The following ADAD2 variants were observed in gnomAD, a reference collection of about 807,000 sequenced individuals.
ADAD2 encodes the protein adenosine deaminase domain-containing protein 2.
A neutral mutation model predicts 54.5 loss-of-function variants in ADAD2; 60 were observed. That is an observed-to-expected ratio of 1.10 (90% CI 0.89 to 1.36). The LOEUF is 1.36. ADAD2 is among the 40% of genes most tolerant of loss of function. The probability of loss-of-function intolerance (pLI) is 0.00; values close to 1 mark genes in which losing one functional copy is unlikely to be tolerated. For synonymous variants in ADAD2, 543 were observed against 366.2 expected, an observed-to-expected ratio of 1.48 and a Z score of -5.51; for missense variants, 1,103 against 801.3, an observed-to-expected ratio of 1.38 and a Z score of -4.54.
Position 84,196,094 on chromosome 16 carries a change from C to T in ADAD2, c.1283-33C>T, listed in dbSNP as rs183104579. On this transcript the variant is annotated intron_variant, in intron 7 of 9. Transcript: ENST00000315906. ...GGGTGAGAAGGGAGGGCAGGGAGGT[C>T]ACTCACCTTGTCCTGTCCCTTCTGC... 9.0e-5 allele frequency: 144 copies of T among 1,599,838 alleles called. 1 individual carries two copies. The African/African-American group carries it at 1.5e-3, about 16-fold the overall frequency.
chr16:84,196,994 G>C lies in ADAD2; in HGVS notation c.*20G>C. The C allele has an allele frequency of 2.6e-6, 4 of 1,568,314 alleles. No homozygotes were observed. The highest frequency in any genetic ancestry group is 3.5e-6 in the Non-Finnish European group (4 of 1,157,214). The stretch of plus-strand genomic sequence containing the variant: ...AACTGAAGCCAGCCTCGGCGGGACC[G>C]AGGTCCCGGAGCCAAGCTGTACCCC... On this transcript the variant is annotated 3_prime_UTR_variant, in exon 10 of 10. Transcript: ENST00000315906.
intron 1 of ADAD2, chr16:84,193,959 C>T (rs762450816): frequency 1.3e-5 from 19 of 1,495,570 alleles, no homozygotes; most frequent in Middle Eastern, 1.8e-4. Context: ...GATTTTTCAT[C>T]TCTCTTTTGT....
In ADAD2 at chr16:84,196,864, C is replaced by T. The variant is rs770021780; in HGVS notation, c.1648-6C>T. ...CTCTCACCCCACCTCTCATCTCCCG[C>T]CCTAGGCTGGGCCCTACCAGGAGGC... On this transcript the variant is annotated splice_polypyrimidine_tract_variant and splice_region_variant and intron_variant, in intron 9 of 9. Transcript: ENST00000315906. 4.2e-5 allele frequency: 67 copies of T among 1,592,764 alleles called. 1 individual carries two copies. The highest frequency in any genetic ancestry group is 5.7e-5 in the Non-Finnish European group (67 of 1,168,838).
rs559270626 is a variant in ADAD2, at chr16:84,194,306, G to A, written c.419-136G>A. On this transcript the variant is annotated intron_variant, in intron 1 of 9. Transcript: ENST00000315906. ...GCGGCATGGGGTGGCGATGGAGCCT[G>A]CTGGAGGAAGGGAAGGGTGGTGAGG... 168 of 1,546,812 alleles carry A rather than the reference G, an allele frequency of 1.1e-4. 4 individuals carry two copies. The South Asian group carries it at 1.8e-3, about 17-fold the overall frequency.
rs760587710 is a variant in ADAD2, at chr16:84,196,111, C to T, written c.1283-16C>T. 5 of 1,600,698 alleles carry T rather than the reference C, an allele frequency of 3.1e-6. No homozygotes were observed. The highest frequency in any genetic ancestry group is 1.1e-5 in the South Asian group (1 of 91,082). On this transcript the variant is annotated splice_polypyrimidine_tract_variant and intron_variant, in intron 7 of 9. Coordinates refer to ENST00000315906, the MANE Select transcript of ADAD2 (RefSeq NM_001145400.2). ...AGGGAGGTCACTCACCTTGTCCTGT[C>T]CCTTCTGCCCTGCAGCTGACTCATG... is the stretch of plus-strand genomic sequence containing the variant.
At position 84,191,617 on chromosome 16, in the gene ADAD2, C is replaced by T; in HGVS notation, c.387C>T (p.Ile129=). ...CGGAGTACGCGGCCAGCCTGGGCAT[C>T]TTCCTGCTCTTCCGGGAGGACCAGC... ...LLTEYAASLG[I]FLLFREDQPP... is the part of the protein sequence containing the mutation. The change falls in exon 1 of 10, where the codon ATC becomes ATT. Residue 129 remains isoleucine (I), a synonymous_variant. Coordinates refer to ENST00000315906, the MANE Select transcript of ADAD2 (RefSeq NM_001145400.2). The T allele has an allele frequency of 6.4e-7, 1 of 1,554,636 alleles. No homozygotes were observed. Among genetic ancestry groups the T allele is most frequent in the Non-Finnish European group, 8.7e-7 (1 of 1,149,394 alleles).
chr16:84,196,782 C>T lies in ADAD2; in HGVS notation c.1647+15C>T, dbSNP rs779489004. ...AGGCTGCCAAGGTTGGTTCCCCACC[C>T]TCCCCCCGTCCCGGTCCCTCTCCAG... On this transcript the variant is annotated intron_variant, in intron 9 of 9. Transcript: ENST00000315906. 6.2e-6 allele frequency: 10 copies of T among 1,603,640 alleles called. No individual in the cohort carries two copies. Among genetic ancestry groups the T allele is most frequent in the Non-Finnish European group, 8.5e-6 (10 of 1,173,038 alleles).
rs774185081 is a variant in ADAD2 at position 84,196,880 on chromosome 16, A to G, written c.1658A>G (p.Tyr553Cys). Residue 553 changes from tyrosine to cysteine, a missense_variant, in exon 10 of 10, where the codon TAC becomes TGC. Transcript: ENST00000315906. ...CATCTCCCGCCCTAGGCTGGGCCCT[A>G]CCAGGAGGCTCGCAGGCAGCTGTCT... ...KTYEAAKAGP[Y>C]QEARRQLSLL... 1.8e-5 allele frequency: 28 copies of G among 1,593,424 alleles called. No homozygotes were observed. The East Asian group carries it at 5.4e-4, about 31-fold the overall frequency.
Position 84,196,988 on chromosome 16 carries a change from G to A in ADAD2, c.*14G>A, listed in dbSNP as rs755169360. On this transcript the variant is annotated 3_prime_UTR_variant, in exon 10 of 10. Coordinates refer to ENST00000315906, the MANE Select transcript of ADAD2 (RefSeq NM_001145400.2). ...TTCAGAAACTGAAGCCAGCCTCGGC[G>A]GGACCGAGGTCCCGGAGCCAAGCTG... is the stretch of plus-strand genomic sequence containing the variant. 7.0e-6 allele frequency: 11 copies of A among 1,577,840 alleles called. No homozygotes were observed. The highest frequency in any genetic ancestry group is 2.3e-5 in the East Asian group (1 of 43,378).
chr16:84,196,088 G>A, intron 7 of ADAD2, 39 bp from the exon 8 acceptor site: 2 of 1,599,732 alleles, frequency 1.3e-6, no homozygotes, highest in African/African-American at 1.3e-5. Flanking sequence ...GGGAGGGCAG[G>A]GAGGTCACTC....
intron 6 of ADAD2, 23 bp from the exon 7 acceptor site, chr16:84,195,792 G>T: frequency 1.3e-6 from 2 of 1,576,470 alleles, no homozygotes; most frequent in Non-Finnish European, 8.6e-7. Context: ...TGAAGCTGAT[G>T]TCTGTCCCCA....
rs1170874959 is a variant in ADAD2, at chr16:84,191,495, G to C, written c.265G>C (p.Glu89Gln). The stretch of plus-strand genomic sequence containing the variant: ...AGCCCGGGCGTGGGAAAACTTGGGG[G>C]AACAGATGGGGAAGGCCCCGAGGGT... ...GAARAWENLGEQMGKAPRVPV... is the reference protein window; with the variant it reads ...GAARAWENLGQQMGKAPRVPV... The change falls in exon 1 of 10, where the codon GAA (glutamate) becomes CAA (glutamine). Residue 89 changes from glutamate (E) to glutamine (Q), a missense_variant. Physicochemically the swap from Glu to Gln is conservative, Grantham distance 29. Coordinates refer to ENST00000315906, the MANE Select transcript of ADAD2 (RefSeq NM_001145400.2). The C allele has an allele frequency of 3.9e-6, 6 of 1,541,414 alleles. No individual in the cohort carries two copies. Among genetic ancestry groups the C allele is most frequent in the African/African-American group, 2.7e-5 (2 of 72,992 alleles).
In ADAD2 at chr16:84,194,377, C is replaced by A. The variant is rs763929255; in HGVS notation, c.419-65C>A. 2.6e-5 allele frequency: 40 copies of A among 1,568,252 alleles called. No homozygotes were observed. In the African/African-American group the frequency reaches 5.1e-4, roughly 20 times the overall value. On this transcript the variant is annotated intron_variant, in intron 1 of 9. Transcript: ENST00000315906. ...CTCGATATCAGGTGTCAGGAGGAGG[C>A]AGAGGTGGTACCTGTCACAGGGCGA... is the stretch of plus-strand genomic sequence containing the variant.
chr16:84,195,096 G>C lies in ADAD2; in HGVS notation c.635G>C (p.Cys212Ser). 6.2e-7 allele frequency: 1 copy of C among 1,613,764 alleles called. No homozygotes were observed. The highest frequency in any genetic ancestry group is 8.5e-7 in the Non-Finnish European group (1 of 1,179,994). Residue 212 changes from cysteine to serine, a missense_variant, in exon 4 of 10, where the codon TGC (cysteine) becomes TCC (serine). Cys to Ser is a moderately radical substitution (Grantham distance 112). Transcript: ENST00000315906. Reference protein sequence around the residue: ...VENILTHEQRCAALVSAGFDL... With the variant: ...VENILTHEQRSAALVSAGFDL... ...AACATCCTGACCCATGAGCAGCGCTGCGCAGCGTTGGTGAGCGCCGGCTTT... is the reference window on the plus strand; with the variant it reads ...AACATCCTGACCCATGAGCAGCGCTCCGCAGCGTTGGTGAGCGCCGGCTTT...
rs2303242 is a variant in ADAD2 at position 84,196,770 on chromosome 16, T to C, written c.1647+3T>C. ...TGAAGACCTACGAGGCTGCCAAGGTTGGTTCCCCACCCTCCCCCCGTCCCG... is the reference window on the plus strand; with the variant it reads ...TGAAGACCTACGAGGCTGCCAAGGTCGGTTCCCCACCCTCCCCCCGTCCCG... On this transcript the variant is annotated splice_donor_region_variant and intron_variant, in intron 9 of 9. Coordinates refer to ENST00000315906, the MANE Select transcript of ADAD2 (RefSeq NM_001145400.2). The C allele has an allele frequency of 0.46, 746,408 of 1,607,632 alleles. 181,188 individuals are homozygous for C. Among genetic ancestry groups the C allele is most frequent in the African/African-American group, 0.87 (65,055 of 74,820 alleles).
chr16:84,195,925 A>G lies in ADAD2; in HGVS notation c.1163A>G (p.Asp388Gly), dbSNP rs751542960. ...PVCYVAPSLC[D>G]THVGCLSASD... ...TGCTACGTGGCGCCCTCGCTCTGTGACACCCACGTGGGCTGCCTGTCAGCC... is the reference window on the plus strand; with the variant it reads ...TGCTACGTGGCGCCCTCGCTCTGTGGCACCCACGTGGGCTGCCTGTCAGCC... The change falls in exon 7 of 10, where the codon GAC becomes GGC. Residue 388 changes from aspartate to glycine, a missense_variant. Asp to Gly is a moderately conservative substitution (Grantham distance 94). Coordinates refer to ENST00000315906, the MANE Select transcript of ADAD2 (RefSeq NM_001145400.2). 6.3e-7 allele frequency: 1 copy of G among 1,599,788 alleles called. No homozygotes were observed. The highest frequency in any genetic ancestry group is 8.5e-7 in the Non-Finnish European group (1 of 1,179,564).
chr16:84,191,693 G>T, intron 1 of ADAD2, 45 bp downstream of exon 1: 3 of 1,544,654 alleles, frequency 1.9e-6, no homozygotes. Context: ...GCAGAGCCAC[G>T]GAGGGCTGGG....
In ADAD2 at chr16:84,191,515, G is replaced by C. The variant is rs577200150; in HGVS notation, c.285G>C (p.Pro95=). Residue 95 remains proline, a synonymous_variant, in exon 1 of 10, where the codon CCG becomes CCC. Coordinates refer to ENST00000315906, the MANE Select transcript of ADAD2 (RefSeq NM_001145400.2). The stretch of plus-strand genomic sequence containing the variant: ...TGGGGGAACAGATGGGGAAGGCCCC[G>C]AGGGTCCCTGTGCCCCCAGCAGGGC... ...ENLGEQMGKA[P]RVPVPPAGLS... The C allele has an allele frequency of 3.9e-6, 6 of 1,545,038 alleles. No individual in the cohort carries two copies. The South Asian group carries it at 4.8e-5, about 12-fold the overall frequency.
In ADAD2 at chr16:84,196,393, G is replaced by A. The variant is rs527426660; in HGVS notation, c.1526+23G>A. ...CAAGTGAGAAGGGCCCCCTGGGGCC[G>A]GGCTGTGGAGCAGTGCTGGTGATGG... On this transcript the variant is annotated intron_variant, in intron 8 of 9. Coordinates refer to ENST00000315906, the MANE Select transcript of ADAD2 (RefSeq NM_001145400.2). 14 of 1,600,392 alleles carry A rather than the reference G, an allele frequency of 8.7e-6. No individual in the cohort carries two copies. In the East Asian group the frequency reaches 1.3e-4, roughly 15 times the overall value.
Sources: gnomAD v4.1 joint callset for allele counts on GRCh38, gnomAD v4.1.1 for gene constraint, MANE v1.5 for transcripts, NCBI Gene and HGNC (gene_info 2026-07-23, HGNC 2026-07-21) for gene names.